TMEM63A: variants seen among roughly 807,000 people sequenced by gnomAD.
The protein encoded by TMEM63A is transmembrane protein 63A.
TMEM63A carries 76 observed loss-of-function variants against 100.6 expected under a neutral mutation model. The observed-to-expected ratio is 0.76, with a 90% CI of 0.63 to 0.91. The LOEUF is 0.91. TMEM63A is among the 40% of genes least tolerant of loss of function. The pLI, the probability that TMEM63A is intolerant of heterozygous loss-of-function variation, is 0.00. For synonymous variants in TMEM63A, 401 were observed against 401.1 expected, an observed-to-expected ratio of 1.00 and a Z score of 0.00; for missense variants, 876 against 1,008.8, an observed-to-expected ratio of 0.87 and a Z score of 1.78.
rs942029961 is a variant in TMEM63A at position 225,877,294 on chromosome 1, C to G, written c.186+101G>C. 5.9e-6 allele frequency: 8 copies of G among 1,358,258 alleles called. No homozygotes were observed. The Middle Eastern group carries it at 5.8e-4, about 99-fold the overall frequency. 84.1% of individuals were successfully genotyped at this position (1,358,258 alleles called of 1,614,324 possible). A position where few individuals can be genotyped will look rare whatever the true frequency, so the allele number is the denominator to read the frequency against. On this transcript the variant is annotated intron_variant, in intron 3 of 24. Transcript: ENST00000366835. ...AAGCAGCAGAGTTGAGATTTAAACC[C>G]AGCTATGTCTGACTTCTCATCTAAG...
At position 225,862,436 on chromosome 1, in the gene TMEM63A, C is replaced by CG. The variant is rs35390008; in HGVS notation, c.951+18dup. 1.9e-5 allele frequency: 30 copies of CG among 1,613,680 alleles called. No individual in the cohort carries two copies. Among genetic ancestry groups the CG allele is most frequent in the East Asian group, 4.5e-5 (2 of 44,872 alleles). Reference sequence around the variant, plus strand: ...CGATGCCAATGCCTCTGCTCCCAGCCGGGGGGTGGGACCCTTACCCACTCA... The same window carrying CG: ...CGATGCCAATGCCTCTGCTCCCAGCCGGGGGGGTGGGACCCTTACCCACTCA... On this transcript the variant is annotated intron_variant, in intron 12 of 24. Coordinates refer to ENST00000366835, the MANE Select transcript of TMEM63A (RefSeq NM_014698.3). This position sits in a 1 kb window ranked among gnomAD's most constrained non-coding sequence, Gnocchi z 5.1.
At chr1:225,842,389 G>A (rs1195910311), downstream of TMEM63A, 1 of 1,613,736 alleles carries the variant, frequency 6.2e-7, no homozygotes, top group African/African-American at 1.3e-5. Context: ...TGACTCTCCT[G>A]TGGGTCTGGC....
At chr1:225,864,724 T>C (rs532325513) in intron 10 of TMEM63A, 1 of 152,368 alleles carries the variant, frequency 6.6e-6, no homozygotes, top group Non-Finnish European at 1.5e-5. Context: ...TACGATCCTG[T>C]CTAGCAATTT....
At position 225,863,656 on chromosome 1, in the gene TMEM63A, C is replaced by T. The variant is rs143420108; in HGVS notation, c.747-805G>A. On this transcript the variant is annotated intron_variant, in intron 10 of 24. Coordinates refer to ENST00000366835, the MANE Select transcript of TMEM63A (RefSeq NM_014698.3). ...GCAAGGCCAGGTGCGGTGGCTCATGCCTGTAATCCCAGCACTTCGGGAGGC... is the reference window on the plus strand; with the variant it reads ...GCAAGGCCAGGTGCGGTGGCTCATGTCTGTAATCCCAGCACTTCGGGAGGC... Among the ~76,000 whole-genome samples, 131 of 152,216 alleles carry T rather than the reference C, an allele frequency of 8.6e-4. 3 individuals are homozygous for T. In the East Asian group the frequency reaches 0.021, roughly 25 times the overall value.
chr1:225,845,660 G>A lies in TMEM63A; in HGVS notation c.*1279C>T. 1 of 474,620 alleles carries A rather than the reference G, an allele frequency of 2.1e-6. No homozygotes were observed. Among genetic ancestry groups the A allele is most frequent in the Non-Finnish European group, 3.9e-6 (1 of 258,160 alleles). The allele number at this position is 474,620 out of a possible 1,614,324, so 29.4% of individuals were successfully genotyped here. A position where few individuals can be genotyped will look rare whatever the true frequency, so the allele number is the denominator to read the frequency against. ...GCCCCTCCTTGCTGGCAGAGGCACG[G>A]GAGGCCTGCTGGGGATGAGGCCACT... On this transcript the variant is annotated 3_prime_UTR_variant, in exon 25 of 25. Transcript: ENST00000366835.
chr1:225,858,784 A>G (rs2102614079), intron 15 of TMEM63A, among the ~76,000 whole-genome samples: 1 of 151,644 alleles, frequency 6.6e-6, no homozygotes, highest in South Asian at 2.1e-4. Flanking sequence ...TGCTTCTGTC[A>G]GGAGCCCTGC....
chr1:225,876,724 T>C (rs1459207518), intron 3 of TMEM63A, among the ~76,000 whole-genome samples: 3 of 151,848 alleles, frequency 2.0e-5, no homozygotes, highest in East Asian at 3.9e-4. Flanking sequence ...TCTCGGCTCA[T>C]TGCAACTCTG....
chr1:225,881,845 G>T (rs3766940), intron 1 of TMEM63A, among the ~76,000 whole-genome samples: 12,639 of 137,096 alleles, frequency 0.092, 753 homozygotes, highest in East Asian at 0.25. Flanking sequence ...TCAGGACTCC[G>T]CCAAGGCTGC....
intron 1 of TMEM63A, among the ~76,000 whole-genome samples, chr1:225,879,888 G>C (rs1457788831): frequency 6.6e-6 from 1 of 152,186 alleles, no homozygotes; most frequent in Non-Finnish European, 1.5e-5. Context: ...GAAGTGGAAA[G>C]AAAAAACATC....
intron 4 of TMEM63A, 110 bp downstream of exon 4, chr1:225,874,178 C>T (rs886673667): frequency 1.8e-6 from 2 of 1,104,306 alleles, no homozygotes; most frequent in Admixed American, 4.8e-5. Flanking sequence ...GACACACACA[C>T]ACACACTATA....
At chr1:225,842,488 T>C (rs374935221), downstream of TMEM63A, 86 of 1,583,040 alleles carry the variant, frequency 5.4e-5, no homozygotes, top group Middle Eastern at 6.6e-4. Flanking sequence ...AGGCCCTGGT[T>C]TGCCCCTGCA....
intron 14 of TMEM63A, chr1:225,859,670 G>C: frequency 3.2e-6 from 1 of 308,456 alleles, no homozygotes; most frequent in Non-Finnish European, 6.1e-6. Context: ...TTTGGAGACA[G>C]AGTCTTGCTC....
intron 14 of TMEM63A, 98 bp from the exon 15 acceptor site, chr1:225,859,447 G>T: frequency 6.8e-7 from 1 of 1,469,724 alleles, no homozygotes; most frequent in Non-Finnish European, 9.2e-7. Flanking sequence ...CAAGAGACTA[G>T]CCTGGGGGCA....
At position 225,874,314 on chromosome 1, in the gene TMEM63A, G is replaced by A. The variant is rs987166254; in HGVS notation, c.240C>T (p.Arg80=). Residue 80 remains arginine, a synonymous_variant, in exon 4 of 25, where the codon CGC becomes CGT. Transcript: ENST00000366835. ...TGTCTGCTTCTGACACCAGGGCAAT[G>A]CGGCCATAGTCCCAGAATCTTCTTC... ...IIRRRFWDYG[R]IALVSEADSE... 6.2e-7 allele frequency: 1 copy of A among 1,614,124 alleles called. No individual in the cohort carries two copies. Among genetic ancestry groups the A allele is most frequent in the Non-Finnish European group, 8.5e-7 (1 of 1,180,020 alleles).
intron 10 of TMEM63A, among the ~76,000 whole-genome samples, chr1:225,863,655 G>A (rs1670054603): frequency 6.6e-6 from 1 of 152,094 alleles, no homozygotes; most frequent in Admixed American, 6.5e-5. Flanking sequence ...GGTGGCTCAT[G>A]CCTGTAATCC....
At chr1:225,868,099 A>G (rs1029208046) in intron 6 of TMEM63A, 69 bp from the exon 7 acceptor site, 3 of 1,581,494 alleles carry the variant, frequency 1.9e-6, no homozygotes, top group East Asian at 2.2e-5. Context: ...GAAGTGTCTC[A>G]TATCATCCTC....
chr1:225,863,061 T>C (rs1559043508), intron 10 of TMEM63A: 6 of 576,674 alleles, frequency 1.0e-5, no homozygotes, highest in Non-Finnish European at 1.9e-5. Flanking sequence ...TGTTTTGTTT[T>C]GTTTTGTTTA....
chr1:225,859,303 C>G lies in TMEM63A; in HGVS notation c.1270G>C (p.Gly424Arg), dbSNP rs777088826. The change falls in exon 15 of 25, where the codon GGC becomes CGC. Residue 424 changes from glycine to arginine, a missense_variant. Physicochemically the swap from Gly to Arg is moderately radical, Grantham distance 125 (BLOSUM62 -2). This residue lies in a region of TMEM63A where 487 missense variants were observed against 581.9 expected (regional missense o/e 0.84). Transcript: ENST00000366835. ...QGLRWWLQWL[G>R]INFTLFLGLF... Reference sequence around the variant, plus strand: ...CCCAGGAAGAGGGTGAAGTTGATGCCCAGCCACTGTAGCCACCAGCGGAGG... The same window carrying G: ...CCCAGGAAGAGGGTGAAGTTGATGCGCAGCCACTGTAGCCACCAGCGGAGG... The G allele has an allele frequency of 6.2e-6, 10 of 1,614,064 alleles. No individual in the cohort carries two copies. Among genetic ancestry groups the G allele is most frequent in the Non-Finnish European group, 5.9e-6 (7 of 1,180,022 alleles).
At chr1:225,845,381 C>CA (rs1224353992), downstream of TMEM63A, 5 of 1,542,698 alleles carry the variant, frequency 3.2e-6, no homozygotes, top group Admixed American at 1.9e-5. Flanking sequence ...CACCTCCCCC[C>CA]ACAAGTGCCC....
Sources: gnomAD v4.1 joint callset for allele counts (sites outside exome capture counted in the v4.1 genomes callset) on GRCh38, gnomAD v4.1.1 for gene constraint, gnomAD v4.1.1 regional missense constraint, Gnocchi (gnomAD v3.1) non-coding constraint, MANE v1.5 for transcripts, NCBI Gene and HGNC (gene_info 2026-07-23, HGNC 2026-07-21) for gene names.